SCN3A: variants seen among roughly 807,000 people sequenced by gnomAD.
SCN3A encodes the protein sodium voltage-gated channel alpha subunit 3, also known as sodium channel protein type 3 subunit alpha.
Under a neutral mutation model 187.6 loss-of-function variants are expected in SCN3A, and 60 were observed. That is an observed-to-expected ratio of 0.32 (90% CI 0.26 to 0.40). The LOEUF (loss-of-function observed/expected upper bound fraction) is 0.40, where lower values mean the gene tolerates loss of function less well. Among genes scored for constraint, SCN3A ranks in the 10% least tolerant of loss-of-function variants. The pLI is 1.00. For missense variants in SCN3A, 1,601 were observed against 2,428.2 expected, an observed-to-expected ratio of 0.66 and a Z score of 7.16; for synonymous variants, 788 against 829.2, an observed-to-expected ratio of 0.95 and a Z score of 0.85.
intron 25 of SCN3A, among the ~76,000 whole-genome samples, chr2:165,094,865 T>C (rs1259999301): frequency 6.6e-6 from 1 of 152,212 alleles, no homozygotes; most frequent in African/African-American, 2.4e-5. Context: ...ATTACATAAA[T>C]ATATAAGATA....
At position 165,162,356 on chromosome 2, in the gene SCN3A, A is replaced by G. The variant is rs1359786277; in HGVS notation, c.983T>C (p.Leu328Ser). The change falls in exon 9 of 28, where the codon TTG (leucine) becomes TCG (serine). Residue 328 changes from leucine (L) to serine (S), a missense_variant. Leu to Ser is a moderately radical substitution (Grantham distance 145). This residue lies in a region of SCN3A where 104 missense variants were observed against 102.7 expected (regional missense o/e 1.01). Coordinates refer to ENST00000283254, the MANE Select transcript of SCN3A (RefSeq NM_006922.4). Reference protein sequence around the residue: ...YIGDDSHFYVLDGQKDPLLCG... With the variant: ...YIGDDSHFYVSDGQKDPLLCG... ...GAGTAAAGGGTCTTTTTGCCCATCCAAAACATAAAAGTGACCTGTTAATAC... is the reference window on the plus strand; with the variant it reads ...GAGTAAAGGGTCTTTTTGCCCATCCGAAACATAAAAGTGACCTGTTAATAC... 6.2e-7 allele frequency: 1 copy of G among 1,613,572 alleles called. No homozygotes were observed. Among genetic ancestry groups the G allele is most frequent in the African/African-American group, 1.3e-5 (1 of 74,830 alleles).
intron 11 of SCN3A, among the ~76,000 whole-genome samples, chr2:165,151,847 A>G (rs62174906): frequency 0.13 from 19,427 of 152,072 alleles, 1,462 homozygotes; most frequent in Non-Finnish European, 0.16. Flanking sequence ...AGAGAACACC[A>G]CCTGGCAATC....
chr2:165,118,785 C>T lies in SCN3A; in HGVS notation c.3394-3210G>A, dbSNP rs1050936307. On this transcript the variant is annotated intron_variant, in intron 18 of 27. Coordinates refer to ENST00000283254, the MANE Select transcript of SCN3A (RefSeq NM_006922.4). Reference sequence around the variant, plus strand: ...TATTTATTTATTTATTTTTTTGAGACGGAGTCTCGCTCTGTCACCCAGGCT... The same window carrying T: ...TATTTATTTATTTATTTTTTTGAGATGGAGTCTCGCTCTGTCACCCAGGCT... Among the ~76,000 whole-genome samples the T allele has an allele frequency of 1.3e-4, 20 of 150,336 alleles. 1 individual carries two copies. The highest frequency in any genetic ancestry group is 8.0e-4 in the Admixed American group (12 of 15,094).
chr2:165,157,667 C>T (rs569225494), intron 9 of SCN3A, among the ~76,000 whole-genome samples: 9 of 152,180 alleles, frequency 5.9e-5, no homozygotes, highest in South Asian at 4.1e-4. Flanking sequence ...TTAAGGAACC[C>T]GCAGTTATGA....
In SCN3A at chr2:165,130,049, C is replaced by T. The variant is rs1376645098; in HGVS notation, c.2813G>A (p.Arg938His). Reference protein sequence around the residue: ...DFFHSFLIVFRVLCGEWIETM... With the variant: ...DFFHSFLIVFHVLCGEWIETM... ...CTCTATCCACTCTCCACACAGCACG[C>T]GGAACACAATCAGGAAGGAGTGGAA... Residue 938 changes from arginine to histidine, a missense_variant, in exon 17 of 28, where the codon CGC becomes CAC. Arg to His is a conservative substitution (Grantham distance 29). Transcript: ENST00000283254. 1 of 1,614,102 alleles carries T rather than the reference C, an allele frequency of 6.2e-7. No homozygotes were observed. Among genetic ancestry groups the T allele is most frequent in the Non-Finnish European group, 8.5e-7 (1 of 1,180,020 alleles).
intron 2 of SCN3A, among the ~76,000 whole-genome samples, chr2:165,182,570 GA>G (rs1690948082): frequency 6.6e-6 from 1 of 152,154 alleles, no homozygotes; most frequent in Admixed American, 6.5e-5. Flanking sequence ...GAAAAACAAT[GA>G]GATTTTGTGA....
Position 165,092,626 on chromosome 2 carries a change from C to T in SCN3A, c.4537-102G>A. 2.8e-6 allele frequency: 3 copies of T among 1,063,446 alleles called. No homozygotes were observed. The highest frequency in any genetic ancestry group is 4.2e-6 in the Non-Finnish European group (3 of 712,414). The allele number at this position is 1,063,446 out of a possible 1,614,324, so 65.9% of individuals were successfully genotyped here. On this transcript the variant is annotated intron_variant, in intron 26 of 27. Transcript: ENST00000283254. This position sits in a 1 kb window ranked among gnomAD's most constrained non-coding sequence, Gnocchi z 4.2. Reference sequence around the variant, plus strand: ...CCCTTCCACATACGGGATGGATGTGCACCCTCCTCATATTACCCCAAACAA... The same window carrying T: ...CCCTTCCACATACGGGATGGATGTGTACCCTCCTCATATTACCCCAAACAA...
chr2:165,154,698 T>G, intron 10 of SCN3A, 40 bp from the exon 11 acceptor site: 1 of 1,542,276 alleles, frequency 6.5e-7, no homozygotes, highest in Non-Finnish European at 9.0e-7. Context: ...TATTTTAGTA[T>G]AATGTCCCCA....
chr2:165,096,812 T>C (rs1685383586), intron 23 of SCN3A, among the ~76,000 whole-genome samples: 2 of 152,178 alleles, frequency 1.3e-5, no homozygotes, highest in South Asian at 4.1e-4. Context: ...TGTTAAAGTG[T>C]AAGCTCTATG....
At chr2:165,103,544 C>T (rs1249700447) in intron 21 of SCN3A, among the ~76,000 whole-genome samples, 2 of 152,088 alleles carry the variant, frequency 1.3e-5, no homozygotes, top group Non-Finnish European at 2.9e-5. Flanking sequence ...CCCTAGGTAC[C>T]ATATCACACT....
chr2:165,166,930 C>T (rs1293171223), intron 5 of SCN3A, among the ~76,000 whole-genome samples: 2 of 149,934 alleles, frequency 1.3e-5, no homozygotes, highest in Non-Finnish European at 2.9e-5. Flanking sequence ...AACAGAGTTT[C>T]GCTCTGTCGT....
chr2:165,170,763 A>G (rs1198127035), intron 3 of SCN3A, among the ~76,000 whole-genome samples: 1 of 151,982 alleles, frequency 6.6e-6, no homozygotes, highest in Non-Finnish European at 1.5e-5. Context: ...TCTATCTCTA[A>G]GGTTCCAACT....
intron 12 of SCN3A, among the ~76,000 whole-genome samples, chr2:165,146,530 C>T (rs1688348588): frequency 6.7e-6 from 1 of 149,530 alleles, no homozygotes; most frequent in Non-Finnish European, 1.5e-5. Context: ...TATATATAAT[C>T]AGTCTCAAAA....
Position 165,155,260 on chromosome 2 carries a change from A to G in SCN3A, c.1173+502T>C, listed in dbSNP as rs1187597219. 2.6e-5 allele frequency among the ~76,000 whole-genome samples: 4 copies of G among 152,120 alleles called. No individual in the cohort carries two copies. In the East Asian group the frequency reaches 7.7e-4, roughly 29 times the overall value. ...TATATAGGTACTGACTCAGTGAGCA[A>G]TTAGGATTCCTGGCACACTTGCTTT... is the stretch of plus-strand genomic sequence containing the variant. On this transcript the variant is annotated intron_variant, in intron 10 of 27. Transcript: ENST00000283254.
chr2:165,188,804 CAAAAAAAAA>C (rs763003775), intron 1 of SCN3A, among the ~76,000 whole-genome samples: 2 of 72,546 alleles, frequency 2.8e-5, no homozygotes, highest in Admixed American at 3.0e-4. Flanking sequence ...CGCCCCACTT[CAAAAAAAAA>C]AAAAAAAAAA....
intron 2 of SCN3A, among the ~76,000 whole-genome samples, chr2:165,182,023 A>G (rs375702363): frequency 1.4e-4 from 21 of 152,352 alleles, no homozygotes; most frequent in African/African-American, 4.6e-4. Flanking sequence ...GTTTGATGCT[A>G]CTGCATTGAT....
intron 6 of SCN3A, chr2:165,163,977 C>T: frequency 8.0e-7 from 1 of 1,255,774 alleles, no homozygotes; most frequent in Non-Finnish European, 1.1e-6. Flanking sequence ...GCACATAGAG[C>T]CCTGTGAGTT....
intron 15 of SCN3A, among the ~76,000 whole-genome samples, chr2:165,132,019 G>C (rs1235905473): frequency 5.3e-5 from 8 of 151,822 alleles, no homozygotes; most frequent in Non-Finnish European, 1.0e-4. Context: ...CATTTGGGTT[G>C]GTTCCAAGTA....
At chr2:165,144,148 G>A (rs1688187778) in intron 12 of SCN3A, among the ~76,000 whole-genome samples, 1 of 152,076 alleles carries the variant, frequency 6.6e-6, no homozygotes, top group African/African-American at 2.4e-5. Context: ...TCTATCTTAC[G>A]CTTCCTGTCC....
Sources: allele counts gnomAD v4.1 joint callset (sites outside exome capture counted in the v4.1 genomes callset), GRCh38; gene constraint gnomAD v4.1.1; regional missense constraint gnomAD v4.1.1; non-coding constraint Gnocchi (gnomAD v3.1); transcripts MANE v1.5; gene names NCBI Gene and HGNC (gene_info 2026-07-23, HGNC 2026-07-21).